The following TTC39B variants were observed in gnomAD, a reference collection of about 807,000 sequenced individuals.
TTC39B encodes tetratricopeptide repeat protein 39B.
A neutral mutation model predicts 96.6 loss-of-function variants in TTC39B; 92 were observed. That is an observed-to-expected ratio of 0.95 (90% confidence interval 0.80 to 1.13). The LOEUF (loss-of-function observed/expected upper bound fraction) is 1.13. Among genes scored for constraint, TTC39B ranks in the 50% most tolerant of loss-of-function variants. The probability of loss-of-function intolerance (pLI) is 0.00; values close to 1 mark genes in which losing one functional copy is unlikely to be tolerated. For missense variants in TTC39B, 955 were observed against 809.3 expected (o/e 1.18, Z -2.18); for synonymous variants, 367 against 299.4 (o/e 1.23, Z -2.33).
rs565749515 is a variant in TTC39B, at chr9:15,236,100, G to A, written c.276-10088C>T. ...CACCTACTGGCTAAAGATACCTTTC[G>A]ACTCAAAGTAAAAGGGAGAAAGAAG... On this transcript the variant is annotated intron_variant, in intron 2 of 19. Coordinates refer to ENST00000512701, the Ensembl canonical transcript of TTC39B. Among the ~76,000 whole-genome samples, 394 of 152,210 alleles carry A rather than the reference G, an allele frequency of 2.6e-3. 1 individual carries two copies. The highest frequency in any genetic ancestry group is 4.1e-3 in the Non-Finnish European group (282 of 68,008).
At chr9:15,231,348 T>A (rs920030606) in intron 2 of TTC39B, among the ~76,000 whole-genome samples, 3 of 152,156 alleles carry the variant, frequency 2.0e-5, no homozygotes, top group African/African-American at 7.2e-5. Flanking sequence ...AATAATGTAC[T>A]AGATTCCCAA....
At chr9:15,187,948 T>A in intron 14 of TTC39B, 23 bp downstream of exon 14, 1 of 1,544,494 alleles carries the variant, frequency 6.5e-7, no homozygotes. Flanking sequence ...ACAGATGACA[T>A]TAATGAAAGT....
intron 2 of TTC39B, among the ~76,000 whole-genome samples, chr9:15,258,778 A>T (rs1429238756): frequency 6.6e-6 from 1 of 152,204 alleles, no homozygotes; most frequent in African/African-American, 2.4e-5. Flanking sequence ...TCAGTCTTCC[A>T]TCTCTGCTGG....
At chr9:15,187,944 G>T in intron 14 of TTC39B, 27 bp downstream of exon 14, 1 of 1,539,292 alleles carries the variant, frequency 6.5e-7, no homozygotes, top group Admixed American at 2.0e-5. Flanking sequence ...GCAAACAGAT[G>T]ACATTAATGA....
intron 3 of TTC39B, among the ~76,000 whole-genome samples, chr9:15,222,671 C>T (rs1347308782): frequency 1.3e-5 from 2 of 152,140 alleles, no homozygotes; most frequent in African/African-American, 4.8e-5. Context: ...CTAAAGCTAC[C>T]AAAGTTCTGT....
At chr9:15,187,014 C>A (rs1406645557) in exon 15 of TTC39B, 1 of 1,612,726 alleles carries the variant, frequency 6.2e-7, no homozygotes, top group Non-Finnish European at 8.5e-7. Context: ...AAAATTGCTG[C>A]TTTCAAGAAC....
chr9:15,277,112 T>C (rs778404804), intron 1 of TTC39B, among the ~76,000 whole-genome samples: 6 of 152,190 alleles, frequency 3.9e-5, no homozygotes, highest in Non-Finnish European at 5.9e-5. Flanking sequence ...CCTTTCTTAC[T>C]AGTGGGTTGC....
At chr9:15,286,320 C>T (rs1297147624) in intron 1 of TTC39B, among the ~76,000 whole-genome samples, 3 of 152,168 alleles carry the variant, frequency 2.0e-5, no homozygotes, top group African/African-American at 7.2e-5. Flanking sequence ...TTTATGATAC[C>T]AGCAGTCTTG....
intron 2 of TTC39B, chr9:15,250,332 G>C: frequency 2.0e-6 from 1 of 510,142 alleles, no homozygotes. Context: ...AAATGGCCTG[G>C]ATTTATAAAA....
chr9:15,283,169 A>G (rs998996127), intron 1 of TTC39B, among the ~76,000 whole-genome samples: 1 of 152,230 alleles, frequency 6.6e-6, no homozygotes, highest in African/African-American at 2.4e-5. Context: ...GAAATAAATG[A>G]ATGAGTACAG....
At chr9:15,169,281 G>A (rs1464034546) in exon 20 of TTC39B, 1 of 152,108 alleles carries the variant, frequency 6.6e-6, no homozygotes, top group Non-Finnish European at 1.5e-5. Flanking sequence ...TCTTGTATCA[G>A]GGAGCATAGA....
At chr9:15,274,171 G>A (rs1453247497) in intron 1 of TTC39B, among the ~76,000 whole-genome samples, 1 of 152,128 alleles carries the variant, frequency 6.6e-6, no homozygotes, top group African/African-American at 2.4e-5. Context: ...TTCTAAGTCA[G>A]AATTAATTTA....
intron 2 of TTC39B, among the ~76,000 whole-genome samples, chr9:15,226,282 T>C (rs1047532706): frequency 3.3e-5 from 5 of 152,218 alleles, no homozygotes; most frequent in Admixed American, 1.3e-4. Flanking sequence ...AAAGATAGGA[T>C]TGTATCTTGT....
chr9:15,232,545 G>C (rs758948803), intron 2 of TTC39B: 1 of 152,096 alleles, frequency 6.6e-6, no homozygotes. Context: ...ACTCAGAAAC[G>C]GCAGATAAAT....
intron 6 of TTC39B, among the ~76,000 whole-genome samples, chr9:15,206,816 G>A (rs1819887020): frequency 6.6e-6 from 1 of 152,074 alleles, no homozygotes; most frequent in Non-Finnish European, 1.5e-5. Context: ...GGCATGATCT[G>A]CACTCACTGC....
At position 15,182,430 on chromosome 9, in the gene TTC39B, T is replaced by C; in HGVS notation, c.1615-15A>G. ...TACATCATTTCCTAATGAGGAAAAA[T>C]GAAAACCATTTGCAGTTATATGAGG... On this transcript the variant is annotated splice_polypyrimidine_tract_variant and intron_variant, in intron 16 of 19. Coordinates refer to ENST00000512701, the Ensembl canonical transcript of TTC39B. The C allele has an allele frequency of 1.3e-6, 2 of 1,571,918 alleles. No homozygotes were observed. Among genetic ancestry groups the C allele is most frequent in the Non-Finnish European group, 1.7e-6 (2 of 1,146,802 alleles).
At chr9:15,300,746 C>T (rs1271286136) in intron 1 of TTC39B, among the ~76,000 whole-genome samples, 2 of 151,864 alleles carry the variant, frequency 1.3e-5, no homozygotes, top group African/African-American at 2.4e-5. Flanking sequence ...ATTAGCTGGG[C>T]GTGGTAGCAG....
chr9:15,166,026 A>C (rs1160040286), exon 20 of TTC39B: 4 of 152,226 alleles, frequency 2.6e-5, no homozygotes, highest in Non-Finnish European at 5.9e-5. Context: ...ACTACCAATA[A>C]TTAAAACTAA....
At chr9:15,253,163 T>C (rs532937537) in intron 2 of TTC39B, among the ~76,000 whole-genome samples, 1 of 152,310 alleles carries the variant, frequency 6.6e-6, no homozygotes, top group African/African-American at 2.4e-5. Context: ...TTAATACCTA[T>C]GAATGGTACC....
Sources: gnomAD v4.1 joint callset for allele counts (sites outside exome capture counted in the v4.1 genomes callset) on GRCh38, gnomAD v4.1.1 for gene constraint, MANE v1.5 for transcripts, NCBI Gene and HGNC (gene_info 2026-07-23, HGNC 2026-07-21) for gene names.